OPN5: variants seen among roughly 807,000 people sequenced by gnomAD.
OPN5 encodes opsin-5.
OPN5 carries 18 observed loss-of-function variants against 41.7 expected under a neutral mutation model. That is an observed-to-expected ratio of 0.43 (90% CI 0.30 to 0.64). The LOEUF (loss-of-function observed/expected upper bound fraction) is 0.64, where lower values mean the gene tolerates loss of function less well. Among genes scored for constraint, OPN5 ranks in the 30% least tolerant of loss-of-function variants. The probability of loss-of-function intolerance (pLI) is 0.13; values close to 1 mark genes in which losing one functional copy is unlikely to be tolerated. For missense variants in OPN5, 318 were observed against 434.5 expected (o/e 0.73, Z 2.38); for synonymous variants, 178 against 164.3 (o/e 1.08, Z -0.64).
chr6:47,805,716 C>T (rs1773934091), intron 4 of OPN5, among the ~76,000 whole-genome samples: 1 of 152,072 alleles, frequency 6.6e-6, no homozygotes, highest in Non-Finnish European at 1.5e-5. Flanking sequence ...AATTAACTGT[C>T]TAAAACAAAA....
chr6:47,793,430 C>T (rs1281550201), intron 3 of OPN5, among the ~76,000 whole-genome samples: 2 of 152,180 alleles, frequency 1.3e-5, no homozygotes, highest in Non-Finnish European at 2.9e-5. Context: ...AAACCCTCCA[C>T]ACAGCGTCCC....
chr6:47,809,836 TAGAG>T lies in OPN5; in HGVS notation c.998+1445_998+1448del, dbSNP rs560742402. Reference sequence around the variant, plus strand: ...ATTGATATTTTGTTATAAATGCAGATAGAGAGAATAATTTTAATAGAGCAGTTGT... The same window carrying T: ...ATTGATATTTTGTTATAAATGCAGATAGAATAATTTTAATAGAGCAGTTGT... On this transcript the variant is annotated intron_variant, in intron 5 of 6. Transcript: ENST00000371211. 3.7e-4 allele frequency among the ~76,000 whole-genome samples: 57 copies of T among 152,332 alleles called. 2 individuals are homozygous for T. In the South Asian group the frequency reaches 0.011, roughly 30 times the overall value.
chr6:47,807,223 A>C (rs921521198), intron 4 of OPN5, among the ~76,000 whole-genome samples: 3 of 152,178 alleles, frequency 2.0e-5, no homozygotes, highest in African/African-American at 7.2e-5. Context: ...TGCCACTTAA[A>C]TAATATTCAG....
intron 6 of OPN5, 80 bp from the exon 7 acceptor site, chr6:47,823,903 G>A: frequency 1.0e-6 from 1 of 976,720 alleles, no homozygotes; most frequent in African/African-American, 1.6e-5. Flanking sequence ...GGTATGTTTA[G>A]GCTCTGAATT....
chr6:47,784,154 G>A lies in OPN5; in HGVS notation c.130+1958G>A, dbSNP rs561462841. On this transcript the variant is annotated intron_variant, in intron 1 of 6. Coordinates refer to ENST00000371211, the Ensembl canonical transcript of OPN5. ...GAGGATCAGGGCACTAGGAGGTGGA[G>A]CCAATGGTATGTTAGAGAACAGTCA... Among the ~76,000 whole-genome samples the A allele has an allele frequency of 4.4e-4, 67 of 152,252 alleles. No individual in the cohort carries two copies. In the South Asian group the frequency reaches 0.013, roughly 30 times the overall value.
At chr6:47,790,240 T>G (rs1036917724) in intron 2 of OPN5, among the ~76,000 whole-genome samples, 2 of 152,200 alleles carry the variant, frequency 1.3e-5, no homozygotes, top group African/African-American at 4.8e-5. Flanking sequence ...ACAGTGAATT[T>G]TTTTCTTTGA....
At chr6:47,826,172 T>C (rs1762784744), downstream of OPN5, 1 of 152,152 alleles carries the variant, frequency 6.6e-6, no homozygotes, top group Non-Finnish European at 1.5e-5. Flanking sequence ...TCAATAGTGA[T>C]CAACCCATAG....
chr6:47,821,472 C>T (rs949703017), intron 6 of OPN5, among the ~76,000 whole-genome samples: 20 of 152,278 alleles, frequency 1.3e-4, no homozygotes, highest in African/African-American at 4.8e-4. Context: ...AATGTCTTGG[C>T]ACAGTATTAT....
At chr6:47,800,363 AATC>A (rs1479033257) in intron 4 of OPN5, among the ~76,000 whole-genome samples, 1 of 152,074 alleles carries the variant, frequency 6.6e-6, no homozygotes, top group East Asian at 1.9e-4. Flanking sequence ...TTGGGAATGA[AATC>A]ATAGGGGGTG....
chr6:47,801,560 C>T (rs1320716905), intron 4 of OPN5, among the ~76,000 whole-genome samples: 2 of 152,058 alleles, frequency 1.3e-5, no homozygotes, highest in Admixed American at 1.3e-4. Context: ...TTTAAAAAAC[C>T]CCCAAAACCA....
intron 3 of OPN5, among the ~76,000 whole-genome samples, chr6:47,793,938 G>A (rs973604161): frequency 6.6e-6 from 1 of 152,066 alleles, no homozygotes; most frequent in African/African-American, 2.4e-5. Flanking sequence ...CCCCTATCTG[G>A]TTGGGCATGA....
chr6:47,825,352 G>A (rs934967183), downstream of OPN5: 16 of 152,180 alleles, frequency 1.1e-4, no homozygotes, highest in Non-Finnish European at 2.2e-4. Flanking sequence ...AAGTTAGGGA[G>A]AATTTTTGTC....
chr6:47,802,762 C>T (rs1035930491), intron 4 of OPN5, among the ~76,000 whole-genome samples: 1 of 152,158 alleles, frequency 6.6e-6, no homozygotes, highest in Admixed American at 6.5e-5. Flanking sequence ...TTCTTTAAGC[C>T]AGCCACTGCC....
At chr6:47,822,189 G>A (rs1762647313) in intron 6 of OPN5, among the ~76,000 whole-genome samples, 2 of 151,992 alleles carry the variant, frequency 1.3e-5, no homozygotes, top group Non-Finnish European at 2.9e-5. Flanking sequence ...AGCATTGAAG[G>A]ATAGTTTTAA....
chr6:47,817,066 T>C (rs959962191), intron 6 of OPN5, among the ~76,000 whole-genome samples: 1 of 152,056 alleles, frequency 6.6e-6, no homozygotes, highest in Non-Finnish European at 1.5e-5. Flanking sequence ...CACAGGAAAC[T>C]TGTAGTGTGA....
At chr6:47,797,068 C>T (rs1043252346) in intron 4 of OPN5, among the ~76,000 whole-genome samples, 1 of 152,146 alleles carries the variant, frequency 6.6e-6, no homozygotes, top group African/African-American at 2.4e-5. Context: ...GAAAGTCCTG[C>T]CCCCATGATT....
At chr6:47,812,769 A>G (rs770477507) in intron 6 of OPN5, among the ~76,000 whole-genome samples, 1 of 152,118 alleles carries the variant, frequency 6.6e-6, no homozygotes, top group Non-Finnish European at 1.5e-5. Flanking sequence ...CCCTTCTGCT[A>G]TGAACTTAAG....
intron 6 of OPN5, among the ~76,000 whole-genome samples, chr6:47,813,388 C>T (rs1246389509): frequency 2.6e-5 from 4 of 152,156 alleles, no homozygotes; most frequent in African/African-American, 9.7e-5. Flanking sequence ...ATAATATCCA[C>T]ATAAGTCACT....
In OPN5 at chr6:47,808,407, G is replaced by A; in HGVS notation, c.998+12G>A. 6.2e-7 allele frequency: 1 copy of A among 1,613,758 alleles called. No homozygotes were observed. Among genetic ancestry groups the A allele is most frequent in the African/African-American group, 1.3e-5 (1 of 74,958 alleles). Reference sequence around the variant, plus strand: ...CTGGAAGGCTTCAGGTAAAACTTCAGAAGCTGGAAATGAATTACACTCTCT... The same window carrying A: ...CTGGAAGGCTTCAGGTAAAACTTCAAAAGCTGGAAATGAATTACACTCTCT... On this transcript the variant is annotated intron_variant, in intron 5 of 6. Coordinates refer to ENST00000371211, the Ensembl canonical transcript of OPN5.
Sources: gnomAD v4.1 joint callset for allele counts (sites outside exome capture counted in the v4.1 genomes callset) on GRCh38, gnomAD v4.1.1 for gene constraint, MANE v1.5 for transcripts, NCBI Gene and HGNC (gene_info 2026-07-23, HGNC 2026-07-21) for gene names.